MMP26: variants seen among roughly 807,000 people sequenced by gnomAD.
The protein encoded by MMP26 is matrix metalloproteinase-26.
A neutral mutation model predicts 31.0 loss-of-function variants in MMP26; 33 were observed. The ratio of observed to expected loss-of-function variants is 1.06; its 90% confidence interval spans 0.81 to 1.42. The LOEUF is 1.42. Ranked by LOEUF, MMP26 falls within the 40% of genes most tolerant of loss-of-function variation. MMP26 has a pLI of 0.00. For missense variants in MMP26, 347 were observed against 316.1 expected (o/e 1.10, Z -0.74); for synonymous variants, 122 against 114.9 (o/e 1.06, Z -0.40).
intron 1 of MMP26, among the ~76,000 whole-genome samples, chr11:4,763,336 C>T (rs1848591330): frequency 1.3e-5 from 2 of 152,290 alleles, no homozygotes; most frequent in South Asian, 4.1e-4. Context: ...TTTCAGTTTT[C>T]AGTTTTGATC....
intron 2 of MMP26, among the ~76,000 whole-genome samples, chr11:4,916,144 C>T (rs1228182234): frequency 7.2e-6 from 1 of 138,040 alleles, no homozygotes; most frequent in Non-Finnish European, 1.6e-5. Flanking sequence ...CAGTGAAACC[C>T]AGTCTCTACT....
At chr11:4,989,617 C>G (rs1316257552) in intron 3 of MMP26, 31 bp from the exon 4 acceptor site, 1 of 1,573,144 alleles carries the variant, frequency 6.4e-7, no homozygotes, top group South Asian at 1.1e-5. Context: ...CCTATTGACT[C>G]TTAGTACTCA....
intron 2 of MMP26, among the ~76,000 whole-genome samples, chr11:4,917,545 G>A (rs1851116386): frequency 1.3e-5 from 2 of 152,084 alleles, no homozygotes; most frequent in East Asian, 1.9e-4. Flanking sequence ...CTCCAATAAC[G>A]GTGGCATTAA....
At chr11:4,796,916 A>C (rs1442844967) in intron 2 of MMP26, among the ~76,000 whole-genome samples, 1 of 152,066 alleles carries the variant, frequency 6.6e-6, no homozygotes, top group Non-Finnish European at 1.5e-5. Flanking sequence ...CAGTGAGTTC[A>C]TAAACAACAG....
chr11:4,968,882 AG>A (rs1196170330), intron 2 of MMP26, among the ~76,000 whole-genome samples: 1 of 152,020 alleles, frequency 6.6e-6, no homozygotes, highest in East Asian at 1.9e-4. Flanking sequence ...AGGAATACCC[AG>A]TCATACTTTA....
intron 2 of MMP26, chr11:4,944,241 T>C (rs1846260593): frequency 2.9e-6 from 1 of 350,714 alleles, no homozygotes; most frequent in Non-Finnish European, 5.5e-6. Flanking sequence ...ATTTAAAAAC[T>C]AAAATGTATT....
intron 2 of MMP26, among the ~76,000 whole-genome samples, chr11:4,774,245 A>G (rs987537033): frequency 2.0e-5 from 3 of 152,208 alleles, no homozygotes; most frequent in Admixed American, 2.0e-4. Context: ...CATTCTGACC[A>G]ACAATGTAAA....
intron 2 of MMP26, among the ~76,000 whole-genome samples, chr11:4,917,958 GCGGAAAA>G: frequency 6.7e-6 from 1 of 148,624 alleles, no homozygotes; most frequent in Non-Finnish European, 1.5e-5. Context: ...TAAACCTAAG[GCGGAAAA>G]TATTTTTGAC....
At chr11:4,848,473 G>C (rs1200041103) in intron 2 of MMP26, 1 of 1,613,666 alleles carries the variant, frequency 6.2e-7, no homozygotes, top group African/African-American at 1.3e-5. Flanking sequence ...GCACAGGTTT[G>C]ACCAGCCTTC....
chr11:4,734,600 C>T (rs1459428370), intron 1 of MMP26, among the ~76,000 whole-genome samples: 1 of 151,572 alleles, frequency 6.6e-6, no homozygotes, highest in Non-Finnish European at 1.5e-5. Flanking sequence ...TCATTAATCT[C>T]ACACCATTTT....
intron 2 of MMP26, chr11:4,860,025 G>A (rs779160437): frequency 1.3e-5 from 6 of 471,036 alleles, no homozygotes; most frequent in South Asian, 7.7e-5. Context: ...GGTGAAGACA[G>A]TATGAATGAG....
At chr11:4,890,894 G>C (rs1353503027) in intron 2 of MMP26, among the ~76,000 whole-genome samples, 2 of 150,994 alleles carry the variant, frequency 1.3e-5, no homozygotes, top group Admixed American at 6.6e-5. Flanking sequence ...GTGTTATTAG[G>C]CTTTACCTTA....
chr11:4,737,268 T>A (rs2133289238), intron 1 of MMP26, among the ~76,000 whole-genome samples: 1 of 152,296 alleles, frequency 6.6e-6, no homozygotes, highest in South Asian at 2.1e-4. Flanking sequence ...AGTTTTGATA[T>A]TTTTTTCCCT....
chr11:4,945,323 A>G (rs1274252753), intron 2 of MMP26: 2 of 152,198 alleles, frequency 1.3e-5, no homozygotes, highest in Non-Finnish European at 2.9e-5. Context: ...AAACTCAAGA[A>G]AGCAAAGAGC....
At chr11:4,848,811 G>A in intron 2 of MMP26, 1 of 1,614,110 alleles carries the variant, frequency 6.2e-7, no homozygotes. Flanking sequence ...TCGGCAGATG[G>A]CCAGTGCCCG....
rs147717854 is a variant in MMP26, at chr11:4,750,124, C to T, written c.-216-17146C>T. 5.4e-3 allele frequency among the ~76,000 whole-genome samples: 826 copies of T among 152,106 alleles called. 5 individuals are homozygous for T. The highest frequency in any genetic ancestry group is 0.021 in the South Asian group (101 of 4,820). ...TAACTATTAAAACGTGGGCAAAGGA[C>T]ATTAACAGACAGTTTTCTAAAGAAG... On this transcript the variant is annotated intron_variant, in intron 1 of 7. Transcript: ENST00000380390.
intron 1 of MMP26, among the ~76,000 whole-genome samples, chr11:4,726,467 A>G (rs1191359366): frequency 6.6e-6 from 1 of 152,118 alleles, no homozygotes; most frequent in Non-Finnish European, 1.5e-5. Flanking sequence ...CATTAAAAAA[A>G]AAAAAATTAC....
At chr11:4,851,679 A>G (rs1169346908) in intron 2 of MMP26, among the ~76,000 whole-genome samples, 1 of 151,988 alleles carries the variant, frequency 6.6e-6, no homozygotes, top group Non-Finnish European at 1.5e-5. Flanking sequence ...TAGCACAACA[A>G]GGGGGAGGAA....
intron 1 of MMP26, among the ~76,000 whole-genome samples, chr11:4,712,796 A>T (rs1304881691): frequency 6.7e-6 from 1 of 149,538 alleles, no homozygotes; most frequent in African/African-American, 2.5e-5. Flanking sequence ...ATTTTTTCTT[A>T]TTTCTAAGTT....
Sources: gnomAD v4.1 joint callset for allele counts (sites outside exome capture counted in the v4.1 genomes callset) on GRCh38, gnomAD v4.1.1 for gene constraint, MANE v1.5 for transcripts, NCBI Gene and HGNC (gene_info 2026-07-23, HGNC 2026-07-21) for gene names.